BMPR2: variants seen among roughly 807,000 people sequenced by gnomAD.
BMPR2 encodes the protein bone morphogenetic protein receptor type 2.
A neutral mutation model predicts 100.8 loss-of-function variants in BMPR2; 29 were observed. The observed-to-expected ratio is 0.29, with a 90% CI of 0.21 to 0.39. The LOEUF (loss-of-function observed/expected upper bound fraction) is 0.39. Among genes scored for constraint, BMPR2 ranks in the 10% least tolerant of loss-of-function variants. The pLI, the probability that BMPR2 is intolerant of heterozygous loss-of-function variation, is 1.00. For missense variants in BMPR2, 1,011 were observed against 1,274.5 expected (o/e 0.79, Z 3.15); for synonymous variants, 382 against 442.3 (o/e 0.86, Z 1.71).
intron 1 of BMPR2, among the ~76,000 whole-genome samples, chr2:202,421,134 C>A (rs955897429): frequency 6.6e-6 from 1 of 151,566 alleles, no homozygotes; most frequent in African/African-American, 2.4e-5. Flanking sequence ...GACTATAATC[C>A]CAGGTACCCG....
At chr2:202,498,191 G>A (rs1212663818) in intron 3 of BMPR2, among the ~76,000 whole-genome samples, 1 of 151,978 alleles carries the variant, frequency 6.6e-6, no homozygotes, top group Non-Finnish European at 1.5e-5. Flanking sequence ...AGGTTTTTGA[G>A]GATGCGTTGG....
intron 1 of BMPR2, among the ~76,000 whole-genome samples, chr2:202,445,358 C>T (rs929675946): frequency 1.3e-5 from 2 of 149,900 alleles, no homozygotes; most frequent in Non-Finnish European, 2.9e-5. Flanking sequence ...TCCCAAGTAC[C>T]TGAGACTACA....
chr2:202,415,964 G>C (rs1278836982), intron 1 of BMPR2, among the ~76,000 whole-genome samples: 2 of 152,204 alleles, frequency 1.3e-5, no homozygotes, highest in Admixed American at 6.5e-5. Context: ...AGCTGCCATA[G>C]ATAGTGATTC....
At chr2:202,391,222 C>T (rs1428343812) in intron 1 of BMPR2, among the ~76,000 whole-genome samples, 5 of 151,688 alleles carry the variant, frequency 3.3e-5, no homozygotes, top group East Asian at 3.9e-4. Context: ...GTGATCCGCC[C>T]GCCTCAGCCT....
chr2:202,542,573 CT>C, intron 10 of BMPR2, 126 bp downstream of exon 10: 1 of 1,192,016 alleles, frequency 8.4e-7, no homozygotes, highest in Admixed American at 2.6e-5. Flanking sequence ...ACAAATCAAA[CT>C]TGATTTTTAT....
At chr2:202,477,106 A>C (rs1376847402) in intron 3 of BMPR2, among the ~76,000 whole-genome samples, 1 of 152,246 alleles carries the variant, frequency 6.6e-6, no homozygotes, top group Non-Finnish European at 1.5e-5. Context: ...AACCTTGAGC[A>C]GATTATTTAG....
At chr2:202,465,702 C>G (rs954872662) in intron 2 of BMPR2, among the ~76,000 whole-genome samples, 1 of 151,360 alleles carries the variant, frequency 6.6e-6, no homozygotes, top group Non-Finnish European at 1.5e-5. Flanking sequence ...ACTAAAAATA[C>G]AGAAAATTAG....
intron 1 of BMPR2, among the ~76,000 whole-genome samples, chr2:202,436,427 T>TA (rs1691616145): frequency 6.7e-6 from 1 of 149,416 alleles, no homozygotes; most frequent in Non-Finnish European, 1.5e-5. Flanking sequence ...GCCTGATGGA[T>TA]AGAGTGAGAC....
chr2:202,489,119 A>G (rs144932197), intron 3 of BMPR2, among the ~76,000 whole-genome samples: 5,495 of 151,350 alleles, frequency 0.036, 330 homozygotes, highest in African/African-American at 0.13. Context: ...CTCCTGCCTC[A>G]GCCTCCCGAG....
At chr2:202,470,410 G>T (rs1461917288) in intron 3 of BMPR2, among the ~76,000 whole-genome samples, 5 of 152,074 alleles carry the variant, frequency 3.3e-5, no homozygotes, top group Non-Finnish European at 5.9e-5. Flanking sequence ...GACTGGAGCA[G>T]GATAGATACA....
intron 1 of BMPR2, among the ~76,000 whole-genome samples, chr2:202,402,117 A>T (rs540694736): frequency 6.6e-6 from 1 of 152,332 alleles, no homozygotes; most frequent in Admixed American, 6.5e-5. Context: ...ATCCAAGAGG[A>T]GCAGTTGGGG....
In BMPR2 at chr2:202,556,169, C is replaced by A. The variant is rs773080234; in HGVS notation, c.2504C>A (p.Thr835Lys). The A allele has an allele frequency of 2.5e-6, 4 of 1,611,876 alleles. No individual in the cohort carries two copies. The highest frequency in any genetic ancestry group is 1.1e-5 in the South Asian group (1 of 91,052). ...AATGGGACAGTACTATCTGGCCAAA[C>A]AACCAACATAGTGACACATAGGGCC... ...YANGTVLSGQTTNIVTHRAQE... is the reference protein window; with the variant it reads ...YANGTVLSGQKTNIVTHRAQE... Residue 835 changes from threonine to lysine, a missense_variant, in exon 12 of 13, where the codon ACA becomes AAA. Thr to Lys is a moderately conservative substitution (Grantham distance 78). Transcript: ENST00000374580.
At position 202,555,890 on chromosome 2, in the gene BMPR2, T is replaced by C; in HGVS notation, c.2225T>C (p.Ile742Thr). The C allele has an allele frequency of 6.2e-7, 1 of 1,614,096 alleles. No individual in the cohort carries two copies. The highest frequency in any genetic ancestry group is 8.5e-7 in the Non-Finnish European group (1 of 1,180,022). Reference protein sequence around the residue: ...CLIPDVLPTQIYPLPKQQNLP... With the variant: ...CLIPDVLPTQTYPLPKQQNLP... ...ATTCCTGATGTTCTGCCTACTCAGA[T>C]CTATCCTCTCCCCAAGCAGCAGAAC... The change falls in exon 12 of 13, where the codon ATC becomes ACC. Residue 742 changes from isoleucine to threonine, a missense_variant. Ile to Thr is a moderately conservative substitution (Grantham distance 89, BLOSUM62 -1). This residue lies in a region of BMPR2 where 508 missense variants were observed against 552.0 expected (regional missense o/e 0.92). Transcript: ENST00000374580.
intron 3 of BMPR2, among the ~76,000 whole-genome samples, chr2:202,468,766 A>ATG (rs1458886423): frequency 1.3e-5 from 2 of 152,202 alleles, no homozygotes; most frequent in Non-Finnish European, 2.9e-5. Context: ...TAAGATCTCT[A>ATG]TGAACTAGCA....
chr2:202,389,116 T>C (rs961526580), intron 1 of BMPR2, among the ~76,000 whole-genome samples: 16 of 152,022 alleles, frequency 1.1e-4, no homozygotes, highest in Non-Finnish European at 2.2e-4. Context: ...TACCAGCTAC[T>C]TGGGAGGCTG....
At chr2:202,410,356 G>A (rs1690988502) in intron 1 of BMPR2, among the ~76,000 whole-genome samples, 2 of 152,084 alleles carry the variant, frequency 1.3e-5, no homozygotes, top group Admixed American at 6.5e-5. Flanking sequence ...CCAGGACTGA[G>A]GCAGGGAAAA....
chr2:202,540,361 A>G (rs1469030958), intron 9 of BMPR2, among the ~76,000 whole-genome samples: 1 of 152,162 alleles, frequency 6.6e-6, no homozygotes, highest in East Asian at 1.9e-4. Context: ...GTTTTATCAC[A>G]TGGGGTTTCA....
Position 202,555,736 on chromosome 2 carries a change from A to G in BMPR2, c.2071A>G (p.Lys691Glu). Residue 691 changes from lysine to glutamate, a missense_variant, in exon 12 of 13, where the codon AAA becomes GAA. Transcript: ENST00000374580. Reference protein sequence around the residue: ...SDENLMEHSLKQFSGPDPLSS... With the variant: ...SDENLMEHSLEQFSGPDPLSS... ...TGAGAATCTCATGGAGCACTCTCTT[A>G]AACAGTTCAGTGGCCCAGACCCACT... The G allele has an allele frequency of 1.2e-6, 2 of 1,614,180 alleles. No individual in the cohort carries two copies. The highest frequency in any genetic ancestry group is 1.7e-6 in the Non-Finnish European group (2 of 1,180,032).
intron 10 of BMPR2, among the ~76,000 whole-genome samples, chr2:202,545,800 C>T (rs1688365398): frequency 6.6e-6 from 1 of 152,126 alleles, no homozygotes; most frequent in Non-Finnish European, 1.5e-5. Flanking sequence ...AGATTGCTTC[C>T]AAAACTACAG....
Sources: allele counts gnomAD v4.1 joint callset (sites outside exome capture counted in the v4.1 genomes callset), GRCh38; gene constraint gnomAD v4.1.1; regional missense constraint gnomAD v4.1.1; transcripts MANE v1.5; gene names NCBI Gene and HGNC (gene_info 2026-07-23, HGNC 2026-07-21).